PABPC4L: variants seen among roughly 807,000 people sequenced by gnomAD.
PABPC4L encodes the protein polyadenylate-binding protein 4-like.
For synonymous variants in PABPC4L, 169 were observed against 164.1 expected (o/e 1.03, Z -0.23); for missense variants, 452 against 451.4 (o/e 1.00, Z -0.01).
At chr4:134,092,141 A>G in the PABPC4L span, among the ~76,000 whole-genome samples, 47 of 151,992 alleles carry the variant, frequency 3.1e-4, no homozygotes, top group Admixed American at 2.2e-3. Context: ...AAAAGGCCCC[A>G]CTCACAAGCC....
chr4:134,056,499 T>G, the PABPC4L span, among the ~76,000 whole-genome samples: 1 of 152,090 alleles, frequency 6.6e-6, no homozygotes, highest in East Asian at 1.9e-4. Context: ...ATTTACATTT[T>G]TCATTTCTAT....
At chr4:134,142,304 G>A in the PABPC4L span, among the ~76,000 whole-genome samples, 5 of 151,628 alleles carry the variant, frequency 3.3e-5, no homozygotes. Flanking sequence ...AAAGATGACT[G>A]TATCAGAATA....
the PABPC4L span, among the ~76,000 whole-genome samples, chr4:133,995,806 T>C: frequency 3.3e-3 from 497 of 152,302 alleles, 4 homozygotes; most frequent in African/African-American, 9.0e-3. Context: ...ATATTCTGCC[T>C]TCCAGAGGAG....
chr4:134,044,237 T>C, the PABPC4L span, among the ~76,000 whole-genome samples: 1 of 151,600 alleles, frequency 6.6e-6, no homozygotes, highest in Non-Finnish European at 1.5e-5. Flanking sequence ...TGGTCTATAA[T>C]GAGAATTTAA....
the PABPC4L span, among the ~76,000 whole-genome samples, chr4:134,137,371 A>G: frequency 1.3e-5 from 2 of 151,902 alleles, no homozygotes; most frequent in East Asian, 1.9e-4. Context: ...ATCTTCTACA[A>G]TGAAATCCAA....
At chr4:134,117,501 C>A in the PABPC4L span, among the ~76,000 whole-genome samples, 1 of 151,746 alleles carries the variant, frequency 6.6e-6, no homozygotes, top group African/African-American at 2.4e-5. Flanking sequence ...TTTGAGAGAT[C>A]CTGAGCCAGA....
chr4:133,952,906 C>T, the PABPC4L span, among the ~76,000 whole-genome samples: 3 of 152,128 alleles, frequency 2.0e-5, no homozygotes, highest in Non-Finnish European at 4.4e-5. Flanking sequence ...AAACTAAAAT[C>T]CCTCCCCCTT....
the PABPC4L span, among the ~76,000 whole-genome samples, chr4:134,099,697 A>T: frequency 6.6e-6 from 1 of 151,648 alleles, no homozygotes; most frequent in Non-Finnish European, 1.5e-5. Context: ...TTGACATTCA[A>T]ACCTCATAGT....
the PABPC4L span, among the ~76,000 whole-genome samples, chr4:134,036,793 T>A: frequency 6.6e-6 from 1 of 152,074 alleles, no homozygotes; most frequent in South Asian, 2.1e-4. Context: ...CAGTGGCTCA[T>A]GCCTGTAATC....
At chr4:133,958,220 A>G in the PABPC4L span, among the ~76,000 whole-genome samples, 196 of 152,276 alleles carry the variant, frequency 1.3e-3, 3 homozygotes, top group African/African-American at 4.5e-3. Flanking sequence ...AGTTTTACAG[A>G]TCTCTAGGGG....
the PABPC4L span, among the ~76,000 whole-genome samples, chr4:133,986,608 T>C: frequency 6.6e-6 from 1 of 151,960 alleles, no homozygotes; most frequent in Non-Finnish European, 1.5e-5. Flanking sequence ...AACATACTAA[T>C]AGACCAATAT....
In PABPC4L at chr4:134,199,938, G is replaced by A; in HGVS notation, c.1082C>T (p.Pro361Leu). The A allele has an allele frequency of 1.3e-6, 2 of 1,551,602 alleles. No homozygotes were observed. Among genetic ancestry groups the A allele is most frequent in the Non-Finnish European group, 1.7e-6 (2 of 1,146,962 alleles). Residue 361 changes from proline (P) to leucine (L), a missense_variant, in exon 2 of 2, where the codon CCT (proline) becomes CTT (leucine). Coordinates refer to ENST00000421491, the MANE Select transcript of PABPC4L (RefSeq NM_001114734.2). The part of the protein sequence containing the change: ...EMNGRILGSK[P>L]LSIALAQRH ...TCTCTGGGCCAAGGCAATGCTAAGA[G>A]GTTTGGAGCCCAAGATGCGGCCATT...
At chr4:134,190,521 C>A in the PABPC4L span, among the ~76,000 whole-genome samples, 1 of 151,994 alleles carries the variant, frequency 6.6e-6, no homozygotes, top group Admixed American at 6.6e-5. Context: ...ACACTTAGCT[C>A]ATTTCTTCAA....
At chr4:133,959,850 T>G in the PABPC4L span, among the ~76,000 whole-genome samples, 8 of 152,246 alleles carry the variant, frequency 5.3e-5, no homozygotes, top group Non-Finnish European at 1.0e-4. Flanking sequence ...TTTTATGGTA[T>G]GGAGACATAT....
the PABPC4L span, among the ~76,000 whole-genome samples, chr4:133,994,656 T>A: frequency 2.0e-5 from 3 of 152,104 alleles, no homozygotes; most frequent in Non-Finnish European, 2.9e-5. Flanking sequence ...TAATCATGTG[T>A]CTTTGATCTG....
At chr4:133,990,898 C>T in the PABPC4L span, among the ~76,000 whole-genome samples, 280 of 152,224 alleles carry the variant, frequency 1.8e-3, no homozygotes, top group African/African-American at 6.4e-3. Flanking sequence ...TTAATCCTCT[C>T]CTGAAGCTTT....
At chr4:134,062,622 T>A in the PABPC4L span, among the ~76,000 whole-genome samples, 11 of 152,026 alleles carry the variant, frequency 7.2e-5, no homozygotes, top group African/African-American at 1.2e-4. Flanking sequence ...TTTATAGATT[T>A]CCACAAAATT....
the PABPC4L span, among the ~76,000 whole-genome samples, chr4:134,079,947 A>G: frequency 6.6e-6 from 1 of 152,050 alleles, no homozygotes; most frequent in African/African-American, 2.4e-5. Context: ...GAAAAATACA[A>G]CTAATGAGTA....
chr4:133,992,495 G>A, the PABPC4L span, among the ~76,000 whole-genome samples: 1 of 152,250 alleles, frequency 6.6e-6, no homozygotes, highest in South Asian at 2.1e-4. Context: ...GAGGATAGTG[G>A]AGTGATATGT....
Sources: allele counts gnomAD v4.1 joint callset (sites outside exome capture counted in the v4.1 genomes callset), GRCh38; gene constraint gnomAD v4.1.1; transcripts MANE v1.5; gene names NCBI Gene and HGNC (gene_info 2026-07-23, HGNC 2026-07-21).